FN1: variants seen among roughly 807,000 people sequenced by gnomAD.
FN1 encodes fibronectin.
A neutral mutation model predicts 297.3 loss-of-function variants in FN1; 106 were observed. That is an observed-to-expected ratio of 0.36 (90% CI 0.30 to 0.42). The LOEUF is 0.42. Ranked by LOEUF, FN1 falls within the 10% of genes least tolerant of loss-of-function variation. The pLI, the probability that FN1 is intolerant of heterozygous loss-of-function variation, is 1.00. For synonymous variants in FN1, 1,149 were observed against 1,152.6 expected, an observed-to-expected ratio of 1.00 and a Z score of 0.06; for missense variants, 2,690 against 3,124.9, an observed-to-expected ratio of 0.86 and a Z score of 3.32.
At chr2:215,407,867 G>A (rs2061974313) in intron 17 of FN1, among the ~76,000 whole-genome samples, 1 of 151,956 alleles carries the variant, frequency 6.6e-6, no homozygotes, top group African/African-American at 2.4e-5. Flanking sequence ...TACAGGTTGT[G>A]TGTATGTTGT....
intron 28 of FN1, among the ~76,000 whole-genome samples, chr2:215,386,128 A>T (rs1431801818): frequency 8.1e-6 from 1 of 123,670 alleles, no homozygotes; most frequent in Non-Finnish European, 1.6e-5. Context: ...CCCAGGTTGG[A>T]GTGCAATGGC....
chr2:215,386,199 C>T (rs1250703185), intron 28 of FN1, among the ~76,000 whole-genome samples: 4 of 150,306 alleles, frequency 2.7e-5, no homozygotes, highest in Non-Finnish European at 5.9e-5. Context: ...GCCTCAGCCT[C>T]CCCAGTAGCT....
Position 215,433,315 on chromosome 2 carries a change from C to G in FN1, c.415+9G>C, listed in dbSNP as rs1210099109. 5.0e-6 allele frequency: 8 copies of G among 1,613,972 alleles called. No individual in the cohort carries two copies. Among genetic ancestry groups the G allele is most frequent in the Middle Eastern group, 3.3e-4 (2 of 6,084 alleles). ...ATTTTGGCATCATTTTACACAATCT[C>G]TTCCTTACTTGCGATGGTACAGCTT... On this transcript the variant is annotated intron_variant, in intron 3 of 45. Transcript: ENST00000354785.
At chr2:215,375,547 T>C (rs990660197) in intron 37 of FN1, 82 bp downstream of exon 37, 21 of 1,236,108 alleles carry the variant, frequency 1.7e-5, no homozygotes, top group Admixed American at 9.0e-5. Flanking sequence ...TACAAAAATA[T>C]ACGCCTCACA....
intron 38 of FN1, among the ~76,000 whole-genome samples, chr2:215,373,821 G>A (rs1445819835): frequency 6.6e-6 from 1 of 151,876 alleles, no homozygotes; most frequent in African/African-American, 2.4e-5. Flanking sequence ...TGGGACTACA[G>A]GCACCCATCA....
At position 215,433,389 on chromosome 2, in the gene FN1, T is replaced by A. The variant is rs2066875335; in HGVS notation, c.350A>T (p.Asp117Val). The change falls in exon 3 of 46, where the codon GAC becomes GTC. Residue 117 changes from aspartate to valine, a missense_variant. By Grantham distance (152) the Asp-to-Val change is radical (BLOSUM62 -3). Coordinates refer to ENST00000354785, the MANE Select transcript of FN1 (RefSeq NM_212482.4). ...RVGDTYERPKDSMIWDCTCIG... is the reference protein window; with the variant it reads ...RVGDTYERPKVSMIWDCTCIG... ...GCAGGTACAGTCCCAGATCATGGAG[T>A]CTTTAGGACGCTCATAAGTGTCACC... The A allele has an allele frequency of 6.2e-7, 1 of 1,613,996 alleles. No homozygotes were observed.
chr2:215,366,261 ATTAAGAT>A (rs1456751343), intron 42 of FN1, among the ~76,000 whole-genome samples: 2 of 152,162 alleles, frequency 1.3e-5, no homozygotes, highest in Non-Finnish European at 2.9e-5. Flanking sequence ...AATTCTCACT[ATTAAGAT>A]TTAAAATTGT....
In FN1 at chr2:215,365,008, T is replaced by C. The variant is rs774391367; in HGVS notation, c.7145-23A>G. ...CATCTGCATATAGACACAAGACAGA[T>C]GCACGCATAAGCTGAGAACAATACT... On this transcript the variant is annotated intron_variant, in intron 43 of 45. Coordinates refer to ENST00000354785, the MANE Select transcript of FN1 (RefSeq NM_212482.4). The C allele has an allele frequency of 6.2e-6, 9 of 1,447,086 alleles. No individual in the cohort carries two copies. In the East Asian group the frequency reaches 1.4e-4, roughly 23 times the overall value. The allele number at this position is 1,447,086 out of a possible 1,614,324, so 89.6% of individuals were successfully genotyped here. A position where few individuals can be genotyped will look rare whatever the true frequency, so the allele number is the denominator to read the frequency against.
At chr2:215,384,213 T>G in intron 29 of FN1, 29 bp from the exon 30 acceptor site, 1 of 1,612,500 alleles carries the variant, frequency 6.2e-7, no homozygotes, top group African/African-American at 1.3e-5. Context: ...GTTCAGAGTG[T>G]GAGGGGTTTA....
At chr2:215,422,473 T>G (rs1429042768) in intron 9 of FN1, among the ~76,000 whole-genome samples, 1 of 152,094 alleles carries the variant, frequency 6.6e-6, no homozygotes, top group East Asian at 1.9e-4. Flanking sequence ...ACAGGAAGGG[T>G]TAGGGGATGT....
rs2060094629 is a variant in FN1, at chr2:215,394,686, G to T, written c.3638C>A (p.Thr1213Lys). 3 of 1,614,114 alleles carry T rather than the reference G, an allele frequency of 1.9e-6. No homozygotes were observed. Among genetic ancestry groups the T allele is most frequent in the Non-Finnish European group, 2.5e-6 (3 of 1,179,982 alleles). Residue 1213 changes from threonine (T) to lysine (K), a missense_variant, in exon 24 of 46, where the codon ACA becomes AAA. Thr to Lys is a moderately conservative substitution (Grantham distance 78, BLOSUM62 -1). Around this residue, in one of 3 missense-constraint regions of FN1, gnomAD observed 1,743 missense variants for 1,945.2 expected, o/e 0.90. Transcript: ENST00000354785. ...CAAAGAATTTCCCTGCTGGCCGTTT[G>T]TAGGGGTTGTGGTAATTCTATAACC... is the stretch of plus-strand genomic sequence containing the variant. ...ITGYRITTTP[T>K]NGQQGNSLEE...
chr2:215,420,368 CA>C (rs11411384), intron 11 of FN1, among the ~76,000 whole-genome samples: 13 of 143,876 alleles, frequency 9.0e-5, no homozygotes, highest in African/African-American at 3.3e-4. Context: ...CAAAAACAAA[CA>C]AAAAAAAAAG....
chr2:215,410,150 C>CAT, intron 13 of FN1, 36 bp from the exon 14 acceptor site: 3 of 1,526,694 alleles, frequency 2.0e-6, no homozygotes, highest in Non-Finnish European at 2.7e-6. Flanking sequence ...CACACACACA[C>CAT]ACGTGTTTAC....
rs1196450390 is a variant in FN1 at position 215,384,174 on chromosome 2, G to A, written c.4740C>T (p.Ser1580=). 1 of 1,614,116 alleles carries A rather than the reference G, an allele frequency of 6.2e-7. No individual in the cohort carries two copies. Among genetic ancestry groups the A allele is most frequent in the African/African-American group, 1.3e-5 (1 of 75,032 alleles). The change falls in exon 30 of 46, where the codon AGC becomes AGT. Residue 1580 remains serine (S), a synonymous_variant. Coordinates refer to ENST00000354785, the MANE Select transcript of FN1 (RefSeq NM_212482.4). ...RITYGETGGN[S]PVQEFTVPGS... ...CAGGCACAGTGAACTCCTGGACAGG[G>A]CTATTTCCTCCTGTATGAAAAAGGG...
intron 20 of FN1, among the ~76,000 whole-genome samples, chr2:215,401,207 AAAG>A (rs1291530395): frequency 5.1e-5 from 2 of 39,530 alleles, no homozygotes; most frequent in Admixed American, 5.1e-4. Context: ...GAAAAGAAAG[AAAG>A]AAAGAAAGAA....
chr2:215,370,383 C>G lies in FN1; in HGVS notation c.6764G>C (p.Arg2255Thr). Residue 2255 changes from arginine to threonine, a missense_variant, in exon 41 of 46, where the codon AGA (arginine) becomes ACA (threonine). Transcript: ENST00000354785. ...CACTATGACGTTGTAGGTGGCACCT[C>G]TGGTGAGGCCTGTCAGAGTGGCACT... ...STSATLTGLT[R>T]GATYNVIVEA... The G allele has an allele frequency of 1.2e-6, 2 of 1,613,592 alleles. No homozygotes were observed. The highest frequency in any genetic ancestry group is 1.7e-6 in the Non-Finnish European group (2 of 1,179,650).
Position 215,376,620 on chromosome 2 carries a change from G to T in FN1, c.5765C>A (p.Thr1922Asn), listed in dbSNP as rs182139649. Residue 1922 changes from threonine to asparagine, a missense_variant, in exon 36 of 46, where the codon ACC (threonine) becomes AAC (asparagine). Around this residue, in one of 3 missense-constraint regions of FN1, gnomAD observed 1,743 missense variants for 1,945.2 expected, o/e 0.90. Coordinates refer to ENST00000354785, the MANE Select transcript of FN1 (RefSeq NM_212482.4). ...CTCAGTCTTGGTTCTCCAGCTAATG[G>T]TGATGGTGGTCTCAGTAGCATCTGT... ...RVTDATETTI[T>N]ISWRTKTETI... The T allele has an allele frequency of 3.1e-6, 5 of 1,614,014 alleles. No homozygotes were observed. In the Admixed American group the frequency reaches 5.0e-5, roughly 16 times the overall value.
intron 41 of FN1, 71 bp downstream of exon 41, chr2:215,370,223 G>A: frequency 1.3e-6 from 2 of 1,487,868 alleles, no homozygotes; most frequent in Non-Finnish European, 1.9e-6. Flanking sequence ...CAAAGGTACA[G>A]TCAACAGAAA....
intron 23 of FN1, among the ~76,000 whole-genome samples, chr2:215,394,978 A>C (rs1396099536): frequency 6.6e-6 from 1 of 152,110 alleles, no homozygotes; most frequent in South Asian, 2.1e-4. Flanking sequence ...ATCTTGGCTC[A>C]CTTCAACCTC....
Sources: allele counts gnomAD v4.1 joint callset (sites outside exome capture counted in the v4.1 genomes callset), GRCh38; gene constraint gnomAD v4.1.1; regional missense constraint gnomAD v4.1.1; transcripts MANE v1.5; gene names NCBI Gene and HGNC (gene_info 2026-07-23, HGNC 2026-07-21).